The following ASPM variants were observed in gnomAD, a reference collection of about 807,000 sequenced individuals.
The protein encoded by ASPM is abnormal spindle-like microcephaly-associated protein.
In ASPM, 256 loss-of-function variants were observed where a neutral mutation model predicts 366.4. The ratio of observed to expected loss-of-function variants is 0.70; its 90% CI spans 0.63 to 0.77. The LOEUF (loss-of-function observed/expected upper bound fraction) is 0.77. Among genes scored for constraint, ASPM ranks in the 30% least tolerant of loss-of-function variants. The probability of loss-of-function intolerance (pLI) is 0.00; values close to 1 mark genes in which losing one functional copy is unlikely to be tolerated. For synonymous variants in ASPM, 1,414 were observed against 1,342.9 expected (o/e 1.05, Z -1.16); for missense variants, 4,146 against 4,090.4 (o/e 1.01, Z -0.37).
rs200498886 is a variant in ASPM, at chr1:197,121,968, T to C, written c.3817A>G (p.Ile1273Val). 3 of 1,611,518 alleles carry C rather than the reference T, an allele frequency of 1.9e-6. No homozygotes were observed. The highest frequency in any genetic ancestry group is 2.5e-6 in the Non-Finnish European group (3 of 1,177,964). ...TTATATTTTCTCCATGTTGTTTGTATGAGTCGAGCAGCTCTTATTTCTTTA... is the reference window on the plus strand; with the variant it reads ...TTATATTTTCTCCATGTTGTTTGTACGAGTCGAGCAGCTCTTATTTCTTTA... ...LRKEIRAARL[I>V]QTTWRKYKLK... Residue 1273 changes from isoleucine (I) to valine (V), a missense_variant, in exon 16 of 28, where the codon ATA (isoleucine) becomes GTA (valine). Transcript: ENST00000367409.
At position 197,104,832 on chromosome 1, in the gene ASPM, T is replaced by C; in HGVS notation, c.4419A>G (p.Ser1473=). 6 of 1,592,896 alleles carry C rather than the reference T, an allele frequency of 3.8e-6. No individual in the cohort carries two copies. In the Admixed American group the frequency reaches 5.3e-5, roughly 14 times the overall value. ...GTAATTCTTTATGCATTCTATACCATGATTGTATGATAATAGCAGAATTTT... is the reference window on the plus strand; with the variant it reads ...GTAATTCTTTATGCATTCTATACCACGATTGTATGATAATAGCAGAATTTT... ...KEENSAIIIQ[S]WYRMHKELRK... is the part of the protein sequence containing the mutation. Residue 1473 remains serine, a synonymous_variant, in exon 18 of 28, where the codon TCA becomes TCG. Coordinates refer to ENST00000367409, the MANE Select transcript of ASPM (RefSeq NM_018136.5).
intron 23 of ASPM, 25 bp downstream of exon 23, chr1:197,090,825 C>T: frequency 1.3e-6 from 2 of 1,595,582 alleles, no homozygotes; most frequent in Non-Finnish European, 8.6e-7. Flanking sequence ...AAGTTTTGAA[C>T]TAAAACTATA....
In ASPM at chr1:197,084,193, G is replaced by C; in HGVS notation, c.*131C>G. 4.5e-6 allele frequency: 3 copies of C among 670,992 alleles called. No individual in the cohort carries two copies. Among genetic ancestry groups the C allele is most frequent in the East Asian group, 2.7e-5 (1 of 36,746 alleles). The allele number at this position is 670,992 out of a possible 1,614,324, so 41.6% of individuals were successfully genotyped here. A position where few individuals can be genotyped will look rare whatever the true frequency, so the allele number is the denominator to read the frequency against. ...AAATGATAAAAATGAAGAATGTAAT[G>C]AACAGTTTATGTTTTTTTAAAACAA... On this transcript the variant is annotated 3_prime_UTR_variant, in exon 28 of 28. Coordinates refer to ENST00000367409, the MANE Select transcript of ASPM (RefSeq NM_018136.5).
In ASPM at chr1:197,143,068, T is replaced by C. The variant is rs147820821; in HGVS notation, c.1184A>G (p.Gln395Arg). 257 of 1,613,006 alleles carry C rather than the reference T, an allele frequency of 1.6e-4. No homozygotes were observed. Among genetic ancestry groups the C allele is most frequent in the Non-Finnish European group, 2.1e-4 (244 of 1,179,152 alleles). ...ATATGCCATGTTATCTTTTAAAAAT[T>C]GATTAGGGGATAAAATAGGATTAAC... ...ESVNPILSPN[Q>R]FLKDNMAYMC... is the part of the protein sequence containing the mutation. The change falls in exon 3 of 28, where the codon CAA becomes CGA. Residue 395 changes from glutamine (Q) to arginine (R), a missense_variant. Physicochemically the swap from Gln to Arg is conservative, Grantham distance 43. This residue lies in a region of ASPM where 512 missense variants were observed against 471.7 expected (regional missense o/e 1.09). Transcript: ENST00000367409.
At chr1:197,106,612 T>C (rs1657419108) in intron 17 of ASPM, among the ~76,000 whole-genome samples, 4 of 152,066 alleles carry the variant, frequency 2.6e-5, no homozygotes, top group Admixed American at 2.6e-4. Flanking sequence ...AATGTTGATA[T>C]ATAACATGGA....
intron 17 of ASPM, among the ~76,000 whole-genome samples, chr1:197,111,921 A>C (rs1362777815): frequency 1.3e-5 from 2 of 152,186 alleles, no homozygotes. Context: ...TGGGAGTATA[A>C]ATTAGCTCAA....
At position 197,133,356 on chromosome 1, in the gene ASPM, C is replaced by T; in HGVS notation, c.2413G>A (p.Asp805Asn). 3 of 1,612,480 alleles carry T rather than the reference C, an allele frequency of 1.9e-6. No homozygotes were observed. The highest frequency in any genetic ancestry group is 2.5e-6 in the Non-Finnish European group (3 of 1,179,282). The change falls in exon 6 of 28, where the codon GAT becomes AAT. Residue 805 changes from aspartate (D) to asparagine (N), a missense_variant. Coordinates refer to ENST00000367409, the MANE Select transcript of ASPM (RefSeq NM_018136.5). ...IVRKDRHLWK[D>N]VGERQKVLNW... is the part of the protein sequence containing the mutation. ...ATTTCTGCAGTCTTCTTACCCACAT[C>T]TTTCCATAGGTGTCTATCTTTTCGA... is the stretch of plus-strand genomic sequence containing the variant.
Position 197,143,993 on chromosome 1 carries a change from T to C in ASPM, c.405A>G (p.Ile135Met), listed in dbSNP as rs1658689399. 6.2e-7 allele frequency: 1 copy of C among 1,609,660 alleles called. No homozygotes were observed. Among genetic ancestry groups the C allele is most frequent in the Non-Finnish European group, 8.5e-7 (1 of 1,176,162 alleles). ...TCTGCTCTTCTGCATTTCCTAGTAA[T>C]ATAGCTTGGTGTTTCAGAACATCAT... ...LVNDVLKHQA[I>M]LLGNAEEQKK... Residue 135 changes from isoleucine to methionine, a missense_variant, in exon 2 of 28, where the codon ATA becomes ATG. This residue lies in a region of ASPM where 512 missense variants were observed against 471.7 expected (regional missense o/e 1.09). Coordinates refer to ENST00000367409, the MANE Select transcript of ASPM (RefSeq NM_018136.5).
intron 18 of ASPM, among the ~76,000 whole-genome samples, chr1:197,098,091 G>A (rs1175497611): frequency 6.6e-6 from 1 of 150,548 alleles, no homozygotes; most frequent in Non-Finnish European, 1.5e-5. Flanking sequence ...AGCGTTAAGA[G>A]GGAAAGAAGA....
chr1:197,087,819 G>A (rs138033028), intron 26 of ASPM, among the ~76,000 whole-genome samples: 20 of 152,248 alleles, frequency 1.3e-4, no homozygotes, highest in East Asian at 5.8e-4. Context: ...ACCCTGCAGC[G>A]GTTCCCACTT....
intron 25 of ASPM, among the ~76,000 whole-genome samples, chr1:197,088,681 C>T (rs1179454620): frequency 6.6e-6 from 1 of 151,878 alleles, no homozygotes; most frequent in Non-Finnish European, 1.5e-5. Context: ...TAAAATAAAT[C>T]AAATTTAAAA....
intron 5 of ASPM, among the ~76,000 whole-genome samples, chr1:197,134,249 A>G (rs1357931600): frequency 1.9e-5 from 1 of 52,566 alleles, no homozygotes; most frequent in East Asian, 0.016. Context: ...ATAAAAAATA[A>G]TAAAAAAAAA....
chr1:197,089,007 ATAAC>A (rs1340219064), intron 25 of ASPM, among the ~76,000 whole-genome samples: 1 of 77,016 alleles, frequency 1.3e-5, no homozygotes, highest in Non-Finnish European at 4.6e-5. Flanking sequence ...TAAGATAAAA[ATAAC>A]AAAACAACAT....
chr1:197,139,002 A>T (rs1341835362), intron 4 of ASPM: 3 of 723,466 alleles, frequency 4.1e-6, no homozygotes, highest in Non-Finnish European at 7.6e-6. Context: ...GACATTGATC[A>T]TAGCACTCTT....
At position 197,104,840 on chromosome 1, in the gene ASPM, T is replaced by C. The variant is rs778223730; in HGVS notation, c.4411A>G (p.Ile1471Val). 1.3e-6 allele frequency: 2 copies of C among 1,595,568 alleles called. No homozygotes were observed. Among genetic ancestry groups the C allele is most frequent in the Non-Finnish European group, 1.7e-6 (2 of 1,171,790 alleles). ...QAKEENSAII[I>V]QSWYRMHKEL... ...TTATGCATTCTATACCATGATTGTA[T>C]GATAATAGCAGAATTTTCTTCTTTA... The change falls in exon 18 of 28, where the codon ATA becomes GTA. Residue 1471 changes from isoleucine to valine, a missense_variant. By Grantham distance (29) the Ile-to-Val change is conservative. Coordinates refer to ENST00000367409, the MANE Select transcript of ASPM (RefSeq NM_018136.5).
At chr1:197,127,055 A>G (rs189250972) in intron 10 of ASPM, among the ~76,000 whole-genome samples, 2 of 152,312 alleles carry the variant, frequency 1.3e-5, no homozygotes, top group East Asian at 3.9e-4. Context: ...TTCTTCAAAT[A>G]TCTTAAAACA....
At chr1:197,126,805 CA>C (rs1306528306) in intron 10 of ASPM, among the ~76,000 whole-genome samples, 1 of 152,124 alleles carries the variant, frequency 6.6e-6, no homozygotes, top group Non-Finnish European at 1.5e-5. Flanking sequence ...ACCGGAGATT[CA>C]TAAAAATCTA....
Position 197,102,004 on chromosome 1 carries a change from C to G in ASPM, c.7247G>C (p.Ser2416Thr). Residue 2416 changes from serine to threonine, a missense_variant, in exon 18 of 28, where the codon AGT (serine) becomes ACT (threonine). Ser to Thr is a moderately conservative substitution (Grantham distance 58). This residue lies in a region of ASPM where 3,624 missense variants were observed against 3,591.7 expected (regional missense o/e 1.01). Coordinates refer to ENST00000367409, the MANE Select transcript of ASPM (RefSeq NM_018136.5). ...SMHSSATLIQ[S>T]RFRSLLVRRR... is the part of the protein sequence containing the mutation. ...CCTCACCAGTAATGATCTAAACCTACTCTGAATAAGGGTTGCAGAGGAATG... is the reference window on the plus strand; with the variant it reads ...CCTCACCAGTAATGATCTAAACCTAGTCTGAATAAGGGTTGCAGAGGAATG... 1 of 1,612,928 alleles carries G rather than the reference C, an allele frequency of 6.2e-7. No homozygotes were observed. Among genetic ancestry groups the G allele is most frequent in the Non-Finnish European group, 8.5e-7 (1 of 1,179,290 alleles).
chr1:197,102,195 C>G lies in ASPM; in HGVS notation c.7056G>C (p.Met2352Ile). The change falls in exon 18 of 28, where the codon ATG (methionine) becomes ATC (isoleucine). Residue 2352 changes from methionine to isoleucine, a missense_variant. Physicochemically the swap from Met to Ile is conservative, Grantham distance 10 (BLOSUM62 1). Coordinates refer to ENST00000367409, the MANE Select transcript of ASPM (RefSeq NM_018136.5). ...QSTFRMHRLHMRYQALKQASV... is the reference protein window; with the variant it reads ...QSTFRMHRLHIRYQALKQASV... ...AGGCCTGTTTCAAAGCCTGATATCT[C>G]ATATGTAATCTGTGCATTCTGAAAG... 1 of 1,612,782 alleles carries G rather than the reference C, an allele frequency of 6.2e-7. No homozygotes were observed.
Sources: allele counts gnomAD v4.1 joint callset (sites outside exome capture counted in the v4.1 genomes callset), GRCh38; gene constraint gnomAD v4.1.1; regional missense constraint gnomAD v4.1.1; transcripts MANE v1.5; gene names NCBI Gene and HGNC (gene_info 2026-07-23, HGNC 2026-07-21).